Variants in MEGF11 observed in about 807,000 individuals in gnomAD.
The protein encoded by MEGF11 is multiple EGF like domains 11, also known as multiple epidermal growth factor-like domains protein 11.
In MEGF11, 126 loss-of-function variants were observed where a neutral mutation model predicts 146.6. The ratio of observed to expected loss-of-function variants is 0.86; its 90% CI spans 0.74 to 1.00. The LOEUF (loss-of-function observed/expected upper bound fraction) is 1.00, where lower values mean the gene tolerates loss of function less well. Among genes scored for constraint, MEGF11 ranks in the 50% least tolerant of loss-of-function variants. The probability of loss-of-function intolerance (pLI) is 0.00; values close to 1 mark genes in which losing one functional copy is unlikely to be tolerated. For missense variants in MEGF11, 1,509 were observed against 1,521.2 expected, an observed-to-expected ratio of 0.99 and a Z score of 0.13; for synonymous variants, 532 against 583.4, an observed-to-expected ratio of 0.91 and a Z score of 1.27.
At chr15:66,192,520 TAAA>T (rs1252947933) in intron 1 of MEGF11, among the ~76,000 whole-genome samples, 1 of 119,820 alleles carries the variant, frequency 8.3e-6, no homozygotes, top group Non-Finnish European at 1.8e-5. Flanking sequence ...TAAAATAAAA[TAAA>T]ATAAAATAAA....
intron 5 of MEGF11, among the ~76,000 whole-genome samples, chr15:66,043,927 G>C (rs2084093567): frequency 6.6e-6 from 1 of 152,182 alleles, no homozygotes; most frequent in South Asian, 2.1e-4. Context: ...TCATGACATG[G>C]GAGTCATTAT....
chr15:65,913,885 G>T lies in MEGF11; in HGVS notation c.2562C>A (p.Gly854=), dbSNP rs757582991. The T allele has an allele frequency of 6.2e-7, 1 of 1,613,978 alleles. No homozygotes were observed. The highest frequency in any genetic ancestry group is 1.7e-5 in the Admixed American group (1 of 60,020). ...CAATGAGGAATAACAGGAGCATGATGCCTGTGACAGCACCCACCGAGTGCC... is the reference window on the plus strand; with the variant it reads ...CAATGAGGAATAACAGGAGCATGATTCCTGTGACAGCACCCACCGAGTGCC... ...AERHSVGAVT[G]IMLLLFLIVV... is the part of the protein sequence containing the mutation. Residue 854 remains glycine (G), a synonymous_variant, in exon 20 of 26, where the codon GGC becomes GGA. Transcript: ENST00000395614.
intron 5 of MEGF11, among the ~76,000 whole-genome samples, chr15:66,064,615 T>G (rs536935652): frequency 3.9e-5 from 6 of 152,028 alleles, no homozygotes; most frequent in Non-Finnish European, 7.4e-5. Flanking sequence ...ACTCCCGGAT[T>G]CAAGCGATTT....
chr15:66,038,157 C>A (rs2083798241), intron 5 of MEGF11, among the ~76,000 whole-genome samples: 1 of 152,156 alleles, frequency 6.6e-6, no homozygotes, highest in South Asian at 2.1e-4. Flanking sequence ...ATAATGGAAA[C>A]TTCCTAGGAG....
At chr15:65,983,629 G>T (rs11638943) in intron 5 of MEGF11, among the ~76,000 whole-genome samples, 4 of 152,062 alleles carry the variant, frequency 2.6e-5, no homozygotes, top group African/African-American at 9.7e-5. Context: ...CACTTGTCTG[G>T]CTAATAGGGT....
chr15:66,161,953 G>A (rs765861067), intron 1 of MEGF11, among the ~76,000 whole-genome samples: 2 of 152,138 alleles, frequency 1.3e-5, no homozygotes, highest in Non-Finnish European at 2.9e-5. Context: ...GCATATACAC[G>A]CGGAACTGAA....
In MEGF11 at chr15:66,123,936, T is replaced by G; in HGVS notation, c.163A>C (p.Thr55Pro). 1 of 1,614,042 alleles carries G rather than the reference T, an allele frequency of 6.2e-7. No homozygotes were observed. The highest frequency in any genetic ancestry group is 8.5e-7 in the Non-Finnish European group (1 of 1,179,886). Reference protein sequence around the residue: ...PFDQIYYTRCTDILNWFKCTR... With the variant: ...PFDQIYYTRCPDILNWFKCTR... ...CACTTGAACCAGTTGAGGATGTCTG[T>G]GCATCGTGTGTAATAGATCTGATCG... The change falls in exon 3 of 26, where the codon ACA becomes CCA. Residue 55 changes from threonine to proline, a missense_variant. Physicochemically the swap from Thr to Pro is conservative, Grantham distance 38. Coordinates refer to ENST00000395614, the MANE Select transcript of MEGF11 (RefSeq NM_001385028.1).
chr15:65,976,635 C>T (rs1250682065), intron 7 of MEGF11, among the ~76,000 whole-genome samples: 1 of 152,230 alleles, frequency 6.6e-6, no homozygotes, highest in Admixed American at 6.5e-5. Flanking sequence ...GAATCAGTTT[C>T]TGTTGTTCAA....
rs552502738 is a variant in MEGF11 at position 66,191,878 on chromosome 15, A to C, written c.-9+61727T>G. 4.0e-5 allele frequency among the ~76,000 whole-genome samples: 6 copies of C among 151,546 alleles called. No individual in the cohort carries two copies. The South Asian group carries it at 1.3e-3, about 32-fold the overall frequency. The stretch of plus-strand genomic sequence containing the variant: ...ATCACAAGGTCAAGAGATCGAGACC[A>C]TCCTGGCCAACATGGTGAAACCCCG... On this transcript the variant is annotated intron_variant, in intron 1 of 25. Transcript: ENST00000395614.
At chr15:66,081,431 T>A (rs755102651) in intron 5 of MEGF11, among the ~76,000 whole-genome samples, 15 of 152,114 alleles carry the variant, frequency 9.9e-5, no homozygotes, top group Non-Finnish European at 2.1e-4. Flanking sequence ...CAGGCTGGAG[T>A]GCAATGGCAC....
chr15:66,104,315 T>C (rs1233960873), intron 4 of MEGF11, among the ~76,000 whole-genome samples: 8 of 152,210 alleles, frequency 5.3e-5, no homozygotes, highest in Non-Finnish European at 8.8e-5. Flanking sequence ...TAGAAGAAAC[T>C]GTGAAGGCCT....
chr15:66,145,934 C>T (rs1377935820), intron 1 of MEGF11, among the ~76,000 whole-genome samples: 1 of 152,184 alleles, frequency 6.6e-6, no homozygotes, highest in Non-Finnish European at 1.5e-5. Flanking sequence ...TGTAAAAACT[C>T]ACCAAAGGTA....
chr15:66,023,956 G>A (rs2083245372), intron 5 of MEGF11, among the ~76,000 whole-genome samples: 2 of 152,190 alleles, frequency 1.3e-5, no homozygotes, highest in South Asian at 2.1e-4. Flanking sequence ...GTGGTGGGCT[G>A]AGGATGGGGA....
rs1029612693 is a variant in MEGF11 at position 66,079,542 on chromosome 15, C to G, written c.394+14860G>C. On this transcript the variant is annotated intron_variant, in intron 5 of 25. Transcript: ENST00000395614. Reference sequence around the variant, plus strand: ...ACCTGGGAACCTTCATTCACACCCCCCCCCCCAGCACCCCCGCCAAAACTC... The same window carrying G: ...ACCTGGGAACCTTCATTCACACCCCGCCCCCCAGCACCCCCGCCAAAACTC... Among the ~76,000 whole-genome samples, 6 of 145,076 alleles carry G rather than the reference C, an allele frequency of 4.1e-5. No individual in the cohort carries two copies. In the East Asian group the frequency reaches 6.1e-4, roughly 15 times the overall value.
chr15:65,928,334 A>C (rs1158169123), intron 13 of MEGF11, 91 bp downstream of exon 13: 7 of 718,254 alleles, frequency 9.7e-6, no homozygotes, highest in Non-Finnish European at 1.6e-5. Flanking sequence ...TCAAGAAGAG[A>C]GGTATTGAAG....
intron 9 of MEGF11, among the ~76,000 whole-genome samples, chr15:65,961,927 A>ACATTTC (rs2141531804): frequency 6.6e-6 from 1 of 152,302 alleles, no homozygotes; most frequent in African/African-American, 2.4e-5. Context: ...CCACAGGAAA[A>ACATTTC]CATTTCCCCC....
chr15:66,111,726 GAAAC>G (rs1308916434), intron 4 of MEGF11, among the ~76,000 whole-genome samples: 2 of 152,172 alleles, frequency 1.3e-5, no homozygotes, highest in Non-Finnish European at 2.9e-5. Flanking sequence ...TCTCCCACAA[GAAAC>G]AAAAAGCCAG....
At chr15:65,986,872 A>T (rs918131815) in intron 5 of MEGF11, among the ~76,000 whole-genome samples, 1 of 140,216 alleles carries the variant, frequency 7.1e-6, no homozygotes, top group African/African-American at 2.7e-5. Context: ...AACTCGGCTC[A>T]CTGCAACCTC....
At chr15:65,911,995 C>CG (rs1338721146) in intron 21 of MEGF11, 87 bp downstream of exon 21, 5 of 671,580 alleles carry the variant, frequency 7.4e-6, no homozygotes, top group Admixed American at 4.4e-5. Flanking sequence ...CTCCATGTGG[C>CG]GGGGGGCGTG....
Sources: allele counts gnomAD v4.1 joint callset (sites outside exome capture counted in the v4.1 genomes callset), GRCh38; gene constraint gnomAD v4.1.1; transcripts MANE v1.5; gene names NCBI Gene and HGNC (gene_info 2026-07-23, HGNC 2026-07-21).